TNFRSF13B: variants seen among roughly 807,000 people sequenced by gnomAD.
TNFRSF13B encodes TNF receptor superfamily member 13B, also known as tumor necrosis factor receptor superfamily member 13B.
TNFRSF13B carries 34 observed loss-of-function variants against 24.0 expected under a neutral mutation model. The ratio of observed to expected loss-of-function variants is 1.41; its 90% CI spans 1.08 to 1.88. The LOEUF (loss-of-function observed/expected upper bound fraction) is 1.88, where lower values mean the gene tolerates loss of function less well. TNFRSF13B is among the 40% of genes most tolerant of loss of function. TNFRSF13B has a pLI of 0.00. For missense variants in TNFRSF13B, 415 were observed against 380.8 expected (o/e 1.09, Z -0.75); for synonymous variants, 173 against 150.3 (o/e 1.15, Z -1.10).
chr17:16,956,223 A>G (rs1444208591), intron 1 of TNFRSF13B, among the ~76,000 whole-genome samples: 2 of 152,256 alleles, frequency 1.3e-5, no homozygotes, highest in African/African-American at 2.4e-5. Flanking sequence ...GCTTAAAACT[A>G]AAAGCTTGGA....
At chr17:16,964,781 A>C (rs1396074790) in intron 1 of TNFRSF13B, among the ~76,000 whole-genome samples, 1 of 152,190 alleles carries the variant, frequency 6.6e-6, no homozygotes, top group East Asian at 1.9e-4. Context: ...GCTCATGTTG[A>C]AAACGGATTC....
intron 1 of TNFRSF13B, among the ~76,000 whole-genome samples, chr17:16,959,248 CAG>C (rs1258882831): frequency 4.0e-5 from 6 of 151,788 alleles, no homozygotes; most frequent in East Asian, 1.9e-4. Context: ...GAAGAAATGA[CAG>C]GGGAAATTAT....
intron 1 of TNFRSF13B, among the ~76,000 whole-genome samples, chr17:16,967,338 A>G (rs1211186564): frequency 6.6e-6 from 1 of 152,110 alleles, no homozygotes; most frequent in East Asian, 1.9e-4. Context: ...TAAAAACAAA[A>G]CAAGGTATAT....
chr17:16,967,683 CG>C (rs2087711801), intron 1 of TNFRSF13B, among the ~76,000 whole-genome samples: 1 of 123,184 alleles, frequency 8.1e-6, no homozygotes, highest in Non-Finnish European at 1.6e-5. Flanking sequence ...ACCCAGGAGG[CG>C]GGGCTTGCAG....
chr17:16,950,077 C>A (rs1461528778), intron 2 of TNFRSF13B, among the ~76,000 whole-genome samples: 2 of 151,994 alleles, frequency 1.3e-5, no homozygotes, highest in Non-Finnish European at 2.9e-5. Flanking sequence ...TTTGAGATGT[C>A]CTGACTTCGT....
Position 16,947,505 on chromosome 17 carries a change from A to C in TNFRSF13B, c.445+1233T>G, listed in dbSNP as rs12325872. ...GAGGAAGTTAAACAATTCAAAAAGC[A>C]AACAACAAATAACCCCACTAAAAAG... On this transcript the variant is annotated intron_variant, in intron 3 of 4. Coordinates refer to ENST00000261652, the MANE Select transcript of TNFRSF13B (RefSeq NM_012452.3). 4.0e-3 allele frequency among the ~76,000 whole-genome samples: 606 copies of C among 152,320 alleles called. 3 individuals are homozygous for C. Among genetic ancestry groups the C allele is most frequent in the African/African-American group, 0.014 (585 of 41,546 alleles).
At chr17:16,970,832 C>A (rs1041251058) in intron 1 of TNFRSF13B, among the ~76,000 whole-genome samples, 1 of 152,198 alleles carries the variant, frequency 6.6e-6, no homozygotes, top group African/African-American at 2.4e-5. Flanking sequence ...CTCTCAGAAA[C>A]TTTACATATT....
At chr17:16,961,679 T>G (rs972732425) in intron 1 of TNFRSF13B, among the ~76,000 whole-genome samples, 1 of 152,224 alleles carries the variant, frequency 6.6e-6, no homozygotes, top group South Asian at 2.1e-4. Flanking sequence ...GTAATGCCAC[T>G]TCATTGAATA....
In TNFRSF13B at chr17:16,971,865, G is replaced by C. The variant is rs1322751990; in HGVS notation, c.61+150C>G. 5.2e-6 allele frequency: 4 copies of C among 776,266 alleles called. No homozygotes were observed. In the East Asian group the frequency reaches 1.1e-4, roughly 21 times the overall value. The allele number at this position is 776,266 out of a possible 1,614,324, so 48.1% of individuals were successfully genotyped here. A position where few individuals can be genotyped will look rare whatever the true frequency, so the allele number is the denominator to read the frequency against. On this transcript the variant is annotated intron_variant, in intron 1 of 4. Coordinates refer to ENST00000261652, the MANE Select transcript of TNFRSF13B (RefSeq NM_012452.3). Reference sequence around the variant, plus strand: ...GGCATCCAGACTCGGGGCTCTCCATGTGCAGGAGCTTGGGGAGGCTGGGAC... The same window carrying C: ...GGCATCCAGACTCGGGGCTCTCCATCTGCAGGAGCTTGGGGAGGCTGGGAC...
At position 16,939,650 on chromosome 17, in the gene TNFRSF13B, C is replaced by T. The variant is rs150660451; in HGVS notation, c.779G>A (p.Gly260Glu). Residue 260 changes from glycine (G) to glutamate (E), a missense_variant, in exon 5 of 5, where the codon GGG (glycine) becomes GAG (glutamate). Physicochemically the swap from Gly to Glu is moderately conservative, Grantham distance 98 (BLOSUM62 -2). Coordinates refer to ENST00000261652, the MANE Select transcript of TNFRSF13B (RefSeq NM_012452.3). ...CAGGACTGTGGTCCTGGTGTGGCAC[C>T]CCCACCTTCCAGCACAAGTGGGGTC... ...TPDPTCAGRW[G>E]CHTRTTVLQP... 79 of 1,612,466 alleles carry T rather than the reference C, an allele frequency of 4.9e-5. No individual in the cohort carries two copies. The highest frequency in any genetic ancestry group is 6.5e-5 in the Non-Finnish European group (77 of 1,178,966).
chr17:16,968,141 C>CAA (rs1455676355), intron 1 of TNFRSF13B, among the ~76,000 whole-genome samples: 64 of 31,558 alleles, frequency 2.0e-3, no homozygotes, highest in African/African-American at 5.7e-3. Flanking sequence ...AACCCTGTCT[C>CAA]AAAAAAAAAA....
intron 1 of TNFRSF13B, among the ~76,000 whole-genome samples, chr17:16,965,965 T>G (rs1272091295): frequency 1.3e-5 from 2 of 151,980 alleles, no homozygotes; most frequent in South Asian, 2.1e-4. Flanking sequence ...ACAAAAAAAC[T>G]TTTTTATGGC....
intron 3 of TNFRSF13B, among the ~76,000 whole-genome samples, chr17:16,946,584 A>T (rs868296360): frequency 0.025 from 3,010 of 121,944 alleles, 148 homozygotes; most frequent in East Asian, 0.2. Flanking sequence ...ATTTTTATTT[A>T]TTTATTTATT....
intron 1 of TNFRSF13B, among the ~76,000 whole-genome samples, chr17:16,955,058 G>A (rs1232392071): frequency 6.6e-6 from 1 of 152,192 alleles, no homozygotes; most frequent in African/African-American, 2.4e-5. Flanking sequence ...AAGACCCAGA[G>A]GCACTGACAG....
chr17:16,947,460 G>T (rs1233318110), intron 3 of TNFRSF13B, among the ~76,000 whole-genome samples: 1 of 152,132 alleles, frequency 6.6e-6, no homozygotes, highest in Non-Finnish European at 1.5e-5. Context: ...CCCAACAAAG[G>T]TCTAATATCC....
chr17:16,951,768 A>G (rs1346392303), intron 2 of TNFRSF13B, among the ~76,000 whole-genome samples: 1 of 152,144 alleles, frequency 6.6e-6, no homozygotes, highest in Non-Finnish European at 1.5e-5. Flanking sequence ...CATGCCTGTA[A>G]TCCCAGCTAC....
chr17:16,968,853 T>C (rs1350960537), intron 1 of TNFRSF13B, among the ~76,000 whole-genome samples: 1 of 152,192 alleles, frequency 6.6e-6, no homozygotes, highest in African/African-American at 2.4e-5. Context: ...AACAGAATAA[T>C]GAAAAGGCAA....
chr17:16,967,026 A>T (rs892067181), intron 1 of TNFRSF13B, among the ~76,000 whole-genome samples: 4 of 151,846 alleles, frequency 2.6e-5, no homozygotes, highest in Non-Finnish European at 5.9e-5. Flanking sequence ...TTTAGTAGAG[A>T]TGGGGTTTCA....
chr17:16,954,962 C>A (rs1455338077), intron 1 of TNFRSF13B, among the ~76,000 whole-genome samples: 1 of 152,206 alleles, frequency 6.6e-6, no homozygotes, highest in Admixed American at 6.5e-5. Flanking sequence ...AGTGTGGCAA[C>A]CAGGTTTTTA....
Sources: gnomAD v4.1 joint callset for allele counts (sites outside exome capture counted in the v4.1 genomes callset) on GRCh38, gnomAD v4.1.1 for gene constraint, MANE v1.5 for transcripts, NCBI Gene and HGNC (gene_info 2026-07-23, HGNC 2026-07-21) for gene names.